The following OTOL1 variants were observed in gnomAD, a reference collection of about 807,000 sequenced individuals.
OTOL1 encodes otolin 1, also known as otolin-1.
Under a neutral mutation model 25.0 loss-of-function variants are expected in OTOL1, and 31 were observed. That is an observed-to-expected ratio of 1.24 (90% CI 0.93 to 1.67). The LOEUF is 1.67. OTOL1 is among the 40% of genes most tolerant of loss of function. The pLI, the probability that OTOL1 is intolerant of heterozygous loss-of-function variation, is 0.00. For missense variants in OTOL1, 654 were observed against 587.7 expected (o/e 1.11, Z -1.17); for synonymous variants, 225 against 210.3 (o/e 1.07, Z -0.61).
chr3:161,498,042 G>A (rs764244018), intron 1 of OTOL1, among the ~76,000 whole-genome samples: 5 of 152,120 alleles, frequency 3.3e-5, no homozygotes, highest in Admixed American at 6.6e-5. Context: ...AATGCGGTTA[G>A]TATTTATGCA....
rs376908916 is a variant in OTOL1 at position 161,496,966 on chromosome 3, A to G, written c.159A>G (p.Glu53=). 109 of 1,613,476 alleles carry G rather than the reference A, an allele frequency of 6.8e-5. No homozygotes were observed. The highest frequency in any genetic ancestry group is 8.8e-5 in the Non-Finnish European group (104 of 1,179,664). The part of the protein sequence containing the change: ...GLKPSSGPPP[E]EEETLFTEMA... ...AGCCATCCAGTGGCCCACCTCCAGAAGAAGAAGAAACCCTCTTCACAGAAA... is the reference window on the plus strand; with the variant it reads ...AGCCATCCAGTGGCCCACCTCCAGAGGAAGAAGAAACCCTCTTCACAGAAA... Residue 53 remains glutamate, a synonymous_variant, in exon 1 of 4, where the codon GAA becomes GAG. Transcript: ENST00000327928.
Position 161,497,090 on chromosome 3 carries a change from G to A in OTOL1, c.283G>A (p.Ala95Thr), listed in dbSNP as rs1718852193. ...CTTTGAAAACTTCACTCTTGACCCA[G>A]CTGATTTCTTTTTGAATTGTTGTGA... is the stretch of plus-strand genomic sequence containing the variant. ...SPFENFTLDP[A>T]DFFLNCCDCC... The change falls in exon 1 of 4, where the codon GCT (alanine) becomes ACT (threonine). Residue 95 changes from alanine (A) to threonine (T), a missense_variant. Physicochemically the swap from Ala to Thr is moderately conservative, Grantham distance 58. Transcript: ENST00000327928. 1 of 1,613,594 alleles carries A rather than the reference G, an allele frequency of 6.2e-7. No homozygotes were observed. Among genetic ancestry groups the A allele is most frequent in the East Asian group, 2.2e-5 (1 of 44,878 alleles).
intron 1 of OTOL1, among the ~76,000 whole-genome samples, chr3:161,498,030 GA>G (rs999382295): frequency 3.4e-4 from 52 of 152,218 alleles, no homozygotes; most frequent in African/African-American, 1.2e-3. Context: ...GACCTTTTGG[GA>G]AATGCGGTTA....
At chr3:161,501,693 A>G (rs1264125846) in intron 2 of OTOL1, among the ~76,000 whole-genome samples, 3 of 152,004 alleles carry the variant, frequency 2.0e-5, no homozygotes, top group African/African-American at 7.2e-5. Flanking sequence ...TTCAAAATTC[A>G]TATTGGGAAA....
At chr3:161,500,370 T>C (rs1019692028) in intron 2 of OTOL1, among the ~76,000 whole-genome samples, 4 of 152,304 alleles carry the variant, frequency 2.6e-5, no homozygotes, top group African/African-American at 4.8e-5. Flanking sequence ...TCCCCAGTGA[T>C]TCATACATTT....
chr3:161,497,195 T>A, intron 1 of OTOL1, 24 bp downstream of exon 1: 1 of 1,586,122 alleles, frequency 6.3e-7, no homozygotes, highest in Non-Finnish European at 8.6e-7. Context: ...TAAGAAGTCA[T>A]GTTTCTCACT....
At chr3:161,499,659 G>A (rs980697105) in intron 2 of OTOL1, among the ~76,000 whole-genome samples, 1 of 152,092 alleles carries the variant, frequency 6.6e-6, no homozygotes, top group African/African-American at 2.4e-5. Context: ...AACTAGAGCA[G>A]GCAATTCTCT....
Position 161,503,440 on chromosome 3 carries a change from G to C in OTOL1, c.932G>C (p.Gly311Ala). Reference protein sequence around the residue: ...PGLLGPTGPKGDIGNKGVRGP... With the variant: ...PGLLGPTGPKADIGNKGVRGP... ...CTCCTGGGACCTACTGGGCCGAAGG[G>C]TGACATTGGCAACAAAGGGGTCCGA... is the stretch of plus-strand genomic sequence containing the variant. The change falls in exon 4 of 4, where the codon GGT becomes GCT. Residue 311 changes from glycine to alanine, a missense_variant. Transcript: ENST00000327928. 6.2e-7 allele frequency: 1 copy of C among 1,613,788 alleles called. No individual in the cohort carries two copies. The highest frequency in any genetic ancestry group is 8.5e-7 in the Non-Finnish European group (1 of 1,179,832).
intron 1 of OTOL1, among the ~76,000 whole-genome samples, chr3:161,497,543 A>G (rs1475492046): frequency 2.0e-5 from 3 of 152,144 alleles, no homozygotes; most frequent in Non-Finnish European, 4.4e-5. Context: ...TGGTTCTTCA[A>G]GATGCACAGG....
rs745641761 is a variant in OTOL1 at position 161,496,934 on chromosome 3, G to T, written c.127G>T (p.Gly43Cys). 6.2e-7 allele frequency: 1 copy of T among 1,613,316 alleles called. No homozygotes were observed. Among genetic ancestry groups the T allele is most frequent in the South Asian group, 1.1e-5 (1 of 91,062 alleles). The change falls in exon 1 of 4, where the codon GGT becomes TGT. Residue 43 changes from glycine to cysteine, a missense_variant. Gly to Cys is a radical substitution (Grantham distance 159, BLOSUM62 -3). Transcript: ENST00000327928. ...ATCTGAGGAAAGAGAGATGCCAAAG[G>T]GTCTAAAGCCATCCAGTGGCCCACC... is the stretch of plus-strand genomic sequence containing the variant. ...KKSEEREMPK[G>C]LKPSSGPPPE...
intron 1 of OTOL1, among the ~76,000 whole-genome samples, chr3:161,498,734 C>G (rs1390358239): frequency 6.6e-6 from 1 of 152,162 alleles, no homozygotes; most frequent in African/African-American, 2.4e-5. Flanking sequence ...GCATTCCTAA[C>G]ACCTTGCAGG....
intron 1 of OTOL1, 147 bp from the exon 2 acceptor site, chr3:161,499,024 G>A (rs1506481): frequency 0.31 from 209,319 of 677,088 alleles, 33,411 homozygotes; most frequent in African/African-American, 0.34. Context: ...TTGCCCTTAG[G>A]ACTCTGTGTG....
In OTOL1 at chr3:161,497,010, C is replaced by G; in HGVS notation, c.203C>G (p.Pro68Arg). The change falls in exon 1 of 4, where the codon CCA becomes CGA. Residue 68 changes from proline (P) to arginine (R), a missense_variant. Physicochemically the swap from Pro to Arg is moderately radical, Grantham distance 103. Transcript: ENST00000327928. ...ACAGAAATGGCTGAAATGGCAGAAC[C>G]AATTACCAAACCCTCGGCCTTGGAT... ...LFTEMAEMAE[P>R]ITKPSALDSV... 2 of 1,613,628 alleles carry G rather than the reference C, an allele frequency of 1.2e-6. No homozygotes were observed. Among genetic ancestry groups the G allele is most frequent in the South Asian group, 2.2e-5 (2 of 91,078 alleles).
At position 161,503,581 on chromosome 3, in the gene OTOL1, T is replaced by A; in HGVS notation, c.1073T>A (p.Ile358Asn). 6.2e-7 allele frequency: 1 copy of A among 1,613,712 alleles called. No homozygotes were observed. ...TCAAAGCCATTTCCTCCTCCTAACATCCCCATCAAATTTGAAAAGATTCTC... is the reference window on the plus strand; with the variant it reads ...TCAAAGCCATTTCCTCCTCCTAACAACCCCATCAAATTTGAAAAGATTCTC... ...GLSKPFPPPN[I>N]PIKFEKILYN... The change falls in exon 4 of 4, where the codon ATC becomes AAC. Residue 358 changes from isoleucine (I) to asparagine (N), a missense_variant. Transcript: ENST00000327928.
At chr3:161,498,506 A>G (rs1298703946) in intron 1 of OTOL1, among the ~76,000 whole-genome samples, 1 of 152,156 alleles carries the variant, frequency 6.6e-6, no homozygotes, top group Non-Finnish European at 1.5e-5. Flanking sequence ...CTGCTTTGGG[A>G]AATCTTAATC....
Position 161,497,188 on chromosome 3 carries a change from G to A in OTOL1, c.364+17G>A, listed in dbSNP as rs1348876240. The A allele has an allele frequency of 2.5e-6, 4 of 1,592,144 alleles. No individual in the cohort carries two copies. Among genetic ancestry groups the A allele is most frequent in the African/African-American group, 2.7e-5 (2 of 73,738 alleles). Reference sequence around the variant, plus strand: ...GACAGCCAGGTATTAGAAAATATAAGAAGTCATGTTTCTCACTTGTACATT... The same window carrying A: ...GACAGCCAGGTATTAGAAAATATAAAAAGTCATGTTTCTCACTTGTACATT... On this transcript the variant is annotated intron_variant, in intron 1 of 3. Coordinates refer to ENST00000327928, the MANE Select transcript of OTOL1 (RefSeq NM_001080440.1).
intron 1 of OTOL1, 34 bp from the exon 2 acceptor site, chr3:161,499,137 T>C: frequency 6.6e-7 from 1 of 1,508,056 alleles, no homozygotes; most frequent in Non-Finnish European, 9.1e-7. Context: ...AAGAGAAATT[T>C]TATATTCTGA....
rs558467139 is a variant in OTOL1, at chr3:161,501,198, T to C, written c.455-1109T>C. 1.5e-4 allele frequency among the ~76,000 whole-genome samples: 23 copies of C among 152,294 alleles called. No individual in the cohort carries two copies. The South Asian group carries it at 2.1e-3, about 14-fold the overall frequency. On this transcript the variant is annotated intron_variant, in intron 2 of 3. Coordinates refer to ENST00000327928, the MANE Select transcript of OTOL1 (RefSeq NM_001080440.1). ...CCAACTGATTAAATGTGTTCTGCTA[T>C]ATGAACCTGTGTGCTATAGAAGAGG...
chr3:161,497,210 C>A, intron 1 of OTOL1, 39 bp downstream of exon 1: 1 of 1,565,932 alleles, frequency 6.4e-7, no homozygotes, highest in Non-Finnish European at 8.6e-7. Context: ...CTCACTTGTA[C>A]ATTGGTAGAG....
Sources: gnomAD v4.1 joint callset for allele counts (sites outside exome capture counted in the v4.1 genomes callset) on GRCh38, gnomAD v4.1.1 for gene constraint, MANE v1.5 for transcripts, NCBI Gene and HGNC (gene_info 2026-07-23, HGNC 2026-07-21) for gene names.